The following SNX18 variants were observed in gnomAD, a reference collection of about 807,000 sequenced individuals.
The protein encoded by SNX18 is sorting nexin-18.
SNX18 carries 35 observed loss-of-function variants against 48.7 expected under a neutral mutation model. The observed-to-expected ratio is 0.72, with a 90% CI of 0.55 to 0.95. SNX18 has a LOEUF of 0.95. Ranked by LOEUF, SNX18 falls within the 40% of genes least tolerant of loss-of-function variation. The probability of loss-of-function intolerance (pLI) is 0.00; values close to 1 mark genes in which losing one functional copy is unlikely to be tolerated. For synonymous variants in SNX18, 492 were observed against 384.7 expected, an observed-to-expected ratio of 1.28 and a Z score of -3.26; for missense variants, 824 against 871.0, an observed-to-expected ratio of 0.95 and a Z score of 0.68.
At chr5:54,642,520 G>A in the SNX18 span, among the ~76,000 whole-genome samples, 1 of 152,150 alleles carries the variant, frequency 6.6e-6, no homozygotes, top group African/African-American at 2.4e-5. Flanking sequence ...TGGGGCAACT[G>A]TGGAATGAAA....
the SNX18 span, among the ~76,000 whole-genome samples, chr5:54,583,646 T>A: frequency 6.6e-6 from 1 of 152,180 alleles, no homozygotes; most frequent in Non-Finnish European, 1.5e-5. Context: ...AAAATGAAGA[T>A]CAAAATAGTA....
At chr5:54,598,750 T>C in the SNX18 span, among the ~76,000 whole-genome samples, 285 of 152,258 alleles carry the variant, frequency 1.9e-3, 5 homozygotes, top group Admixed American at 0.013. Context: ...ATAGGAGCCA[T>C]TTATGACAAA....
rs1379934453 is a variant in SNX18, at chr5:54,543,266, G to T, written c.1709G>T (p.Cys570Phe). ...VQKADGIQDRCNTISFATLAE... is the reference protein window; with the variant it reads ...VQKADGIQDRFNTISFATLAE... The stretch of plus-strand genomic sequence containing the variant: ...AAGGCTGACGGCATTCAGGATCGCT[G>T]TAACACTATTTCTTTTGCCACTTTG... The change falls in exon 2 of 2, where the codon TGT becomes TTT. Residue 570 changes from cysteine (C) to phenylalanine (F), a missense_variant. By Grantham distance (205) the Cys-to-Phe change is radical (BLOSUM62 -2). This residue lies in a region of SNX18 where 443 missense variants were observed against 503.6 expected (regional missense o/e 0.88). Transcript: ENST00000381410. 1 of 1,614,194 alleles carries T rather than the reference G, an allele frequency of 6.2e-7. No homozygotes were observed. The highest frequency in any genetic ancestry group is 1.7e-5 in the Admixed American group (1 of 60,024).
chr5:54,630,497 TGA>T, the SNX18 span, among the ~76,000 whole-genome samples: 1,059 of 152,226 alleles, frequency 7.0e-3, 9 homozygotes, highest in African/African-American at 0.025. Context: ...TTGATTCTAC[TGA>T]GAGTGAAGTA....
chr5:54,592,820 A>T, the SNX18 span, among the ~76,000 whole-genome samples: 3 of 152,168 alleles, frequency 2.0e-5, no homozygotes, highest in Non-Finnish European at 4.4e-5. Context: ...TTTGTTTTTG[A>T]GATGGAGTCT....
chr5:54,643,395 A>G, the SNX18 span, among the ~76,000 whole-genome samples: 1 of 152,208 alleles, frequency 6.6e-6, no homozygotes, highest in African/African-American at 2.4e-5. Context: ...TGTGAAAAAC[A>G]CATTCAATTT....
At chr5:54,616,520 C>G in the SNX18 span, among the ~76,000 whole-genome samples, 1 of 152,304 alleles carries the variant, frequency 6.6e-6, no homozygotes, top group Non-Finnish European at 1.5e-5. Context: ...CACCTGTAAT[C>G]CCATCACTTT....
chr5:54,626,323 C>T, the SNX18 span, among the ~76,000 whole-genome samples: 1 of 151,952 alleles, frequency 6.6e-6, no homozygotes, highest in South Asian at 2.1e-4. Flanking sequence ...AATTTCTTTT[C>T]TTCTTCTTTT....
chr5:54,599,468 T>G, the SNX18 span, among the ~76,000 whole-genome samples: 1 of 152,052 alleles, frequency 6.6e-6, no homozygotes, highest in East Asian at 1.9e-4. Context: ...CTTCACAAAA[T>G]TAGAAAAAAC....
chr5:54,579,515 A>G, the SNX18 span, among the ~76,000 whole-genome samples: 1 of 152,212 alleles, frequency 6.6e-6, no homozygotes, highest in Admixed American at 6.5e-5. Context: ...TGCAAATTTC[A>G]TTTATGACCT....
chr5:54,644,443 C>A, the SNX18 span: 1 of 152,150 alleles, frequency 6.6e-6, no homozygotes, highest in Non-Finnish European at 1.5e-5. Flanking sequence ...ACAGGTGATC[C>A]ACAACAATCT....
At chr5:54,527,972 T>C (rs2548649) in intron 1 of SNX18, among the ~76,000 whole-genome samples, 24,899 of 152,154 alleles carry the variant, frequency 0.16, 2,761 homozygotes, top group African/African-American at 0.3. Flanking sequence ...GTGAGTGATT[T>C]AAAAGTCTTA....
intron 1 of SNX18, among the ~76,000 whole-genome samples, chr5:54,525,139 G>A (rs917141197): frequency 6.6e-6 from 1 of 152,194 alleles, no homozygotes; most frequent in Non-Finnish European, 1.5e-5. Context: ...ACTTATCTTT[G>A]GCCAAGTGGG....
the SNX18 span, chr5:54,645,848 T>C: frequency 6.6e-6 from 1 of 152,254 alleles, no homozygotes; most frequent in Non-Finnish European, 1.5e-5. Flanking sequence ...ATTGACTAGC[T>C]ATTTCTCTTC....
downstream of SNX18, among the ~76,000 whole-genome samples, chr5:54,551,080 A>C (rs1325355653): frequency 7.9e-6 from 1 of 126,480 alleles, no homozygotes; most frequent in African/African-American, 2.6e-5. Flanking sequence ...GGGGACTAGC[A>C]AAAAAAAAAA....
chr5:54,587,615 G>A, the SNX18 span, among the ~76,000 whole-genome samples: 1 of 152,158 alleles, frequency 6.6e-6, no homozygotes, highest in South Asian at 2.1e-4. Context: ...TGCTGCCAGT[G>A]TTCCAATCCC....
At chr5:54,627,446 A>T in the SNX18 span, among the ~76,000 whole-genome samples, 1 of 152,134 alleles carries the variant, frequency 6.6e-6, no homozygotes, top group African/African-American at 2.4e-5. Context: ...TTATTCACGT[A>T]TTTAATACAC....
chr5:54,593,856 C>T, the SNX18 span, among the ~76,000 whole-genome samples: 1 of 152,174 alleles, frequency 6.6e-6, no homozygotes, highest in Non-Finnish European at 1.5e-5. Context: ...GAATTTCAGT[C>T]TTCATCTATT....
At chr5:54,617,173 G>A in the SNX18 span, among the ~76,000 whole-genome samples, 1 of 152,216 alleles carries the variant, frequency 6.6e-6, no homozygotes, top group African/African-American at 2.4e-5. Flanking sequence ...TAATTCACCA[G>A]TGAAGCCGCA....
Sources: gnomAD v4.1 joint callset for allele counts (sites outside exome capture counted in the v4.1 genomes callset) on GRCh38, gnomAD v4.1.1 for gene constraint, gnomAD v4.1.1 regional missense constraint, MANE v1.5 for transcripts, NCBI Gene and HGNC (gene_info 2026-07-23, HGNC 2026-07-21) for gene names.